ZBED6: variants seen among roughly 807,000 people sequenced by gnomAD.
The protein encoded by ZBED6 is zinc finger BED domain-containing protein 6.
Under a neutral mutation model 58.4 loss-of-function variants are expected in ZBED6, and 40 were observed. The observed-to-expected ratio is 0.68, with a 90% CI of 0.53 to 0.89. The LOEUF is 0.89. Among genes scored for constraint, ZBED6 ranks in the 40% least tolerant of loss-of-function variants. The pLI, the probability that ZBED6 is intolerant of heterozygous loss-of-function variation, is 0.00. For synonymous variants in ZBED6, 439 were observed against 350.6 expected, an observed-to-expected ratio of 1.25 and a Z score of -2.82; for missense variants, 1,057 against 1,003.9, an observed-to-expected ratio of 1.05 and a Z score of -0.71.
chr1:203,832,991 T>C (rs934694879), intron 8 of ZBED6, among the ~76,000 whole-genome samples: 1 of 152,134 alleles, frequency 6.6e-6, no homozygotes, highest in Non-Finnish European at 1.5e-5. Flanking sequence ...CCCAGCACTT[T>C]GGGAGGCTGA....
intron 1 of ZBED6, among the ~76,000 whole-genome samples, chr1:203,815,211 C>CTTTCTT (rs779729339): frequency 0.076 from 4,429 of 58,512 alleles, 379 homozygotes; most frequent in East Asian, 0.47. Context: ...TCTTCCTTTT[C>CTTTCTT]TTTTCTTTTT....
chr1:203,828,329 G>C, exon 4 of ZBED6: 1 of 1,614,026 alleles, frequency 6.2e-7, no homozygotes, highest in Admixed American at 1.7e-5. Flanking sequence ...TTGTTATTGG[G>C]AAAATCAGCC....
chr1:203,851,856 C>CT (rs1689360659), intron 16 of ZBED6, among the ~76,000 whole-genome samples: 1 of 150,918 alleles, frequency 6.6e-6, no homozygotes, highest in East Asian at 2.0e-4. Flanking sequence ...GTAGACCCAG[C>CT]TACTTGGGAG....
intron 1 of ZBED6, among the ~76,000 whole-genome samples, chr1:203,805,238 A>G (rs144497210): frequency 0.01 from 1,519 of 149,754 alleles, 14 homozygotes; most frequent in Non-Finnish European, 0.014. Context: ...GGTTCAAGCA[A>G]TTCTCCTGCT....
intron 3 of ZBED6, among the ~76,000 whole-genome samples, chr1:203,823,971 T>TA (rs71281154): frequency 0.13 from 19,893 of 151,866 alleles, 1,482 homozygotes; most frequent in Non-Finnish European, 0.15. Context: ...CAAGGTGGGT[T>TA]AAAAAAGGAG....
At chr1:203,823,865 A>G (rs1391245202) in intron 3 of ZBED6, among the ~76,000 whole-genome samples, 1 of 152,240 alleles carries the variant, frequency 6.6e-6, no homozygotes, top group African/African-American at 2.4e-5. Context: ...GTAGAGTGCC[A>G]GGTAGCTGTT....
rs184515461 is a variant in ZBED6 at position 203,842,006 on chromosome 1, G to C, written c.*3741+1632G>C. ...GGGCTCCTCACATCCCAGACGGGGC[G>C]GCAGGGCAGAGGCGCTCCCCACATC... On this transcript the variant is annotated intron_variant, in intron 11 of 16. Transcript: ENST00000550078. 1.7e-3 allele frequency among the ~76,000 whole-genome samples: 251 copies of C among 151,856 alleles called. 5 individuals carry two copies. In the East Asian group the frequency reaches 0.044, roughly 26 times the overall value.
At chr1:203,842,545 G>T (rs1188163432) in intron 11 of ZBED6, among the ~76,000 whole-genome samples, 1 of 151,434 alleles carries the variant, frequency 6.6e-6, no homozygotes, top group Non-Finnish European at 1.5e-5. Flanking sequence ...CGAGATGGCA[G>T]CAGTACAGTC....
At chr1:203,842,359 G>A (rs1686640459) in intron 11 of ZBED6, among the ~76,000 whole-genome samples, 1 of 152,212 alleles carries the variant, frequency 6.6e-6, no homozygotes, top group South Asian at 2.1e-4. Context: ...CACCTCGGGA[G>A]GCTGAGGCAG....
exon 1 of ZBED6, chr1:203,797,553 T>A (rs775653820): frequency 2.0e-6 from 3 of 1,526,770 alleles, no homozygotes; most frequent in Middle Eastern, 1.7e-4. Context: ...TGTACCAGTT[T>A]CTTCACTCTC....
At chr1:203,850,082 C>T (rs1295469252) in intron 14 of ZBED6, 56 bp downstream of exon 14, 1 of 1,522,502 alleles carries the variant, frequency 6.6e-7, no homozygotes, top group Non-Finnish European at 8.9e-7. Context: ...CAAATTCAAC[C>T]CAATTGTTGC....
At chr1:203,799,064 C>T in exon 1 of ZBED6, 1 of 1,536,122 alleles carries the variant, frequency 6.5e-7, no homozygotes, top group Non-Finnish European at 8.7e-7. Context: ...TCAATAATGG[C>T]AGGATCCCCG....
exon 1 of ZBED6, chr1:203,798,499 G>A: frequency 1.3e-6 from 2 of 1,536,148 alleles, no homozygotes; most frequent in South Asian, 2.4e-5. Context: ...AAAGACAGTG[G>A]TGCTGTTGCA....
chr1:203,807,957 G>A (rs954213860), intron 1 of ZBED6, among the ~76,000 whole-genome samples: 1 of 151,994 alleles, frequency 6.6e-6, no homozygotes, highest in Non-Finnish European at 1.5e-5. Context: ...GCCCAGGCTG[G>A]TCTTGAACTC....
At chr1:203,852,148 C>T (rs757095233) in exon 17 of ZBED6, 2 of 1,613,378 alleles carry the variant, frequency 1.2e-6, no homozygotes, top group African/African-American at 1.3e-5. Flanking sequence ...CAGTCTTGTG[C>T]TGCCTCCAAC....
chr1:203,799,884 T>G, exon 1 of ZBED6: 1 of 1,536,042 alleles, frequency 6.5e-7, no homozygotes, highest in Non-Finnish European at 8.7e-7. Flanking sequence ...AGGTGCTGAT[T>G]TAGAAACTTA....
At chr1:203,799,598 T>C in exon 1 of ZBED6, 1 of 703,126 alleles carries the variant, frequency 1.4e-6, no homozygotes, top group Non-Finnish European at 2.6e-6. Flanking sequence ...GTGATATTCT[T>C]AAGCCATTTG....
At chr1:203,799,057 A>G (rs1333287943) in exon 1 of ZBED6, 2 of 1,536,174 alleles carry the variant, frequency 1.3e-6, no homozygotes, top group Admixed American at 2.0e-5. Context: ...TCTTTTCTCA[A>G]TAATGGCAGG....
chr1:203,802,701 C>T (rs1670891726), exon 1 of ZBED6: 4 of 135,188 alleles, frequency 3.0e-5, no homozygotes, highest in Admixed American at 1.5e-4. Flanking sequence ...TCAAGTTCAT[C>T]TTTAAATGAA....
Sources: gnomAD v4.1 joint callset for allele counts (sites outside exome capture counted in the v4.1 genomes callset) on GRCh38, gnomAD v4.1.1 for gene constraint, MANE v1.5 for transcripts, NCBI Gene and HGNC (gene_info 2026-07-23, HGNC 2026-07-21) for gene names.